Variants in MBD5 observed in about 807,000 individuals in gnomAD.
MBD5 encodes the protein methyl-CpG binding domain protein 5.
A neutral mutation model predicts 117.3 loss-of-function variants in MBD5; 13 were observed. The observed-to-expected ratio is 0.11, with a 90% confidence interval of 0.07 to 0.18. MBD5 has a LOEUF of 0.18. MBD5 is among the 10% of genes least tolerant of loss of function. MBD5 has a pLI of 1.00. For synonymous variants in MBD5, 727 were observed against 766.4 expected, an observed-to-expected ratio of 0.95 and a Z score of 0.85; for missense variants, 1,879 against 2,093.8, an observed-to-expected ratio of 0.90 and a Z score of 2.00.
intron 1 of MBD5, among the ~76,000 whole-genome samples, chr2:148,154,808 C>A (rs1323129735): frequency 6.6e-6 from 1 of 152,124 alleles, no homozygotes; most frequent in African/African-American, 2.4e-5. Flanking sequence ...GGTGCACACA[C>A]CCACTGACCT....
intron 1 of MBD5, among the ~76,000 whole-genome samples, chr2:148,098,371 T>C (rs1266641964): frequency 1.3e-5 from 2 of 152,072 alleles, no homozygotes; most frequent in Non-Finnish European, 2.9e-5. Flanking sequence ...CATGTTTGAG[T>C]TGGAAACATT....
chr2:148,337,753 C>G (rs182348377), intron 3 of MBD5, among the ~76,000 whole-genome samples: 27 of 152,248 alleles, frequency 1.8e-4, no homozygotes, highest in African/African-American at 6.3e-4. Flanking sequence ...TCCAGATCTC[C>G]TATTCTCAGA....
At chr2:148,176,197 T>C (rs750204997) in intron 1 of MBD5, among the ~76,000 whole-genome samples, 2 of 152,042 alleles carry the variant, frequency 1.3e-5, no homozygotes, top group Middle Eastern at 6.9e-3. Context: ...GTAAGGAAAA[T>C]AAGAGCTAAA....
chr2:148,256,200 G>A (rs1354209717), intron 3 of MBD5, among the ~76,000 whole-genome samples: 1 of 152,246 alleles, frequency 6.6e-6, no homozygotes, highest in Non-Finnish European at 1.5e-5. Context: ...TTTCTGAAAA[G>A]CCTCCCAAAT....
At chr2:148,422,547 C>T (rs1705642792) in intron 4 of MBD5, among the ~76,000 whole-genome samples, 1 of 152,144 alleles carries the variant, frequency 6.6e-6, no homozygotes, top group African/African-American at 2.4e-5. Context: ...ATCACAACTC[C>T]TCACCAGCAA....
intron 1 of MBD5, among the ~76,000 whole-genome samples, chr2:148,079,002 G>A (rs992626688): frequency 3.3e-5 from 5 of 152,150 alleles, no homozygotes; most frequent in African/African-American, 1.2e-4. Context: ...ATAGGAAAAT[G>A]TTTAATATTG....
intron 12 of MBD5, among the ~76,000 whole-genome samples, chr2:148,509,172 C>T (rs1682135995): frequency 6.6e-6 from 1 of 152,006 alleles, no homozygotes; most frequent in Non-Finnish European, 1.5e-5. Context: ...ATTGTCATGA[C>T]AGGGTAAATG....
chr2:148,152,607 A>G (rs955732660), intron 1 of MBD5, among the ~76,000 whole-genome samples: 3 of 152,186 alleles, frequency 2.0e-5, no homozygotes, highest in Non-Finnish European at 4.4e-5. Context: ...GACTTGCTTT[A>G]TGAATCTGGA....
At chr2:148,414,512 T>C (rs145666459) in intron 4 of MBD5, among the ~76,000 whole-genome samples, 91 of 152,254 alleles carry the variant, frequency 6.0e-4, no homozygotes, top group African/African-American at 1.9e-3. Context: ...GTCCCAGATA[T>C]CTTTTTTAGT....
chr2:148,282,408 G>C (rs918279512), intron 3 of MBD5, among the ~76,000 whole-genome samples: 1 of 152,078 alleles, frequency 6.6e-6, no homozygotes, highest in African/African-American at 2.4e-5. Context: ...TCCTGGCGTT[G>C]ATATTTGCTT....
At chr2:148,365,300 A>G (rs995589377) in intron 4 of MBD5, among the ~76,000 whole-genome samples, 2 of 152,240 alleles carry the variant, frequency 1.3e-5, no homozygotes, top group African/African-American at 4.8e-5. Context: ...ATGAGAACAA[A>G]GACACAACAT....
intron 3 of MBD5, among the ~76,000 whole-genome samples, chr2:148,338,149 T>C (rs1178739317): frequency 6.6e-6 from 1 of 152,194 alleles, no homozygotes; most frequent in South Asian, 2.1e-4. Flanking sequence ...TATAAATGTA[T>C]GAGTGAATAA....
chr2:148,352,287 C>CT lies in MBD5; in HGVS notation c.-557+9958dup, dbSNP rs149968186. On this transcript the variant is annotated intron_variant, in intron 4 of 13. Transcript: ENST00000642680. ...TTCATATTTTTATAATACGTACCAG[C>CT]TTTTTTTCCAAATTAAACTTTTTAT... Among the ~76,000 whole-genome samples the CT allele has an allele frequency of 4.7e-3, 713 of 152,056 alleles. 7 individuals are homozygous for CT. The highest frequency in any genetic ancestry group is 0.016 in the African/African-American group (665 of 41,496).
At chr2:148,158,759 T>A (rs923557064) in intron 1 of MBD5, among the ~76,000 whole-genome samples, 1 of 152,210 alleles carries the variant, frequency 6.6e-6, no homozygotes, top group Non-Finnish European at 1.5e-5. Context: ...TCGCTGTGTC[T>A]GCCAGGCTGG....
At chr2:148,475,041 TGAGAGATTTGTATAG>T (rs1179320320) in intron 8 of MBD5, among the ~76,000 whole-genome samples, 1 of 152,114 alleles carries the variant, frequency 6.6e-6, no homozygotes, top group Non-Finnish European at 1.5e-5. Context: ...TCTCAGGAGA[TGAGAGATTTGTATAG>T]AAATAATTCA....
chr2:148,262,552 TA>T (rs200590603), intron 3 of MBD5, among the ~76,000 whole-genome samples: 124 of 151,896 alleles, frequency 8.2e-4, no homozygotes, highest in African/African-American at 2.9e-3. Context: ...TTCAGTTTTA[TA>T]AAAAAACTGA....
intron 4 of MBD5, among the ~76,000 whole-genome samples, chr2:148,422,993 T>C (rs930925907): frequency 6.6e-6 from 1 of 152,126 alleles, no homozygotes; most frequent in African/African-American, 2.4e-5. Context: ...TGGAACCAAG[T>C]TGGAAAACAC....
chr2:148,315,069 G>C (rs1373835035), intron 3 of MBD5, among the ~76,000 whole-genome samples: 2 of 152,080 alleles, frequency 1.3e-5, no homozygotes, highest in Non-Finnish European at 2.9e-5. Flanking sequence ...CAAGATTGGA[G>C]CCTAGTTAAA....
Position 148,469,955 on chromosome 2 carries a change from G to T in MBD5, c.2012G>T (p.Arg671Ile). 6.2e-7 allele frequency: 1 copy of T among 1,613,964 alleles called. No homozygotes were observed. Among genetic ancestry groups the T allele is most frequent in the South Asian group, 1.1e-5 (1 of 91,084 alleles). ...CCTACGACAGTGTTGAGTTTGCTCAGACAGTCTCAAATGGATAGTTCTGCA... is the reference window on the plus strand; with the variant it reads ...CCTACGACAGTGTTGAGTTTGCTCATACAGTCTCAAATGGATAGTTCTGCA... Reference protein sequence around the residue: ...QPPTTVLSLLRQSQMDSSAVP... With the variant: ...QPPTTVLSLLIQSQMDSSAVP... Residue 671 changes from arginine (R) to isoleucine (I), a missense_variant, in exon 8 of 14, where the codon AGA (arginine) becomes ATA (isoleucine). By Grantham distance (97) the Arg-to-Ile change is moderately conservative (BLOSUM62 -3). Transcript: ENST00000642680.
Sources: gnomAD v4.1 joint callset for allele counts (sites outside exome capture counted in the v4.1 genomes callset) on GRCh38, gnomAD v4.1.1 for gene constraint, MANE v1.5 for transcripts, NCBI Gene and HGNC (gene_info 2026-07-23, HGNC 2026-07-21) for gene names.